The following YAF2 variants were observed in gnomAD, a reference collection of about 807,000 sequenced individuals.
The protein encoded by YAF2 is YY1-associated factor 2.
A neutral mutation model predicts 20.1 loss-of-function variants in YAF2; 7 were observed. The ratio of observed to expected loss-of-function variants is 0.35; its 90% CI spans 0.20 to 0.65. The LOEUF is 0.65. YAF2 is among the 30% of genes least tolerant of loss of function. The probability of loss-of-function intolerance (pLI) is 0.69; values close to 1 mark genes in which losing one functional copy is unlikely to be tolerated. For missense variants in YAF2, 151 were observed against 219.2 expected, an observed-to-expected ratio of 0.69 and a Z score of 1.96; for synonymous variants, 74 against 76.0, an observed-to-expected ratio of 0.97 and a Z score of 0.14.
intron 2 of YAF2, among the ~76,000 whole-genome samples, chr12:42,174,704 C>T (rs543112121): frequency 2.0e-5 from 3 of 152,138 alleles, no homozygotes; most frequent in East Asian, 1.9e-4. Flanking sequence ...ATTCAGTCCT[C>T]GGTTTTAAGT....
chr12:42,229,700 T>C (rs1277943592), intron 2 of YAF2, among the ~76,000 whole-genome samples: 1 of 152,236 alleles, frequency 6.6e-6, no homozygotes, highest in East Asian at 1.9e-4. Flanking sequence ...GCCTACTACA[T>C]ACCTAGGCTA....
chr12:42,187,638 C>CT (rs1486337253), intron 2 of YAF2, among the ~76,000 whole-genome samples: 19 of 152,264 alleles, frequency 1.2e-4, no homozygotes, highest in African/African-American at 4.6e-4. Context: ...CCTCATTTCT[C>CT]TTTTATAAAA....
intron 2 of YAF2, among the ~76,000 whole-genome samples, chr12:42,178,604 C>T (rs780105637): frequency 6.6e-6 from 1 of 152,042 alleles, no homozygotes; most frequent in Non-Finnish European, 1.5e-5. Context: ...ACAGTTTGCT[C>T]CCATTTTCAT....
At chr12:42,199,179 G>A in intron 2 of YAF2, 6 of 1,289,250 alleles carry the variant, frequency 4.7e-6, no homozygotes, top group Non-Finnish European at 6.1e-6. Flanking sequence ...CTAGGCAGAG[G>A]CTTGAGCCAG....
At chr12:42,198,873 C>G (rs2066825108) in intron 2 of YAF2, among the ~76,000 whole-genome samples, 1 of 152,116 alleles carries the variant, frequency 6.6e-6, no homozygotes, top group African/African-American at 2.4e-5. Flanking sequence ...CTGTTCAATA[C>G]AGCAACTACA....
chr12:42,195,758 G>A (rs898268676), intron 2 of YAF2, among the ~76,000 whole-genome samples: 1 of 152,190 alleles, frequency 6.6e-6, no homozygotes, highest in Non-Finnish European at 1.5e-5. Flanking sequence ...GGTGTGTTGA[G>A]ACTGGGTTAA....
At chr12:42,206,157 A>G (rs933108902) in intron 2 of YAF2, among the ~76,000 whole-genome samples, 2 of 152,094 alleles carry the variant, frequency 1.3e-5, no homozygotes, top group African/African-American at 2.4e-5. Context: ...TAGCTGTGTC[A>G]TATCTTCTAT....
At chr12:42,193,002 T>C (rs1200416853) in intron 2 of YAF2, among the ~76,000 whole-genome samples, 1 of 152,166 alleles carries the variant, frequency 6.6e-6, no homozygotes, top group African/African-American at 2.4e-5. Context: ...CCTATTGTGC[T>C]GCCTGTCATA....
At chr12:42,226,527 A>G (rs568963343) in intron 2 of YAF2, among the ~76,000 whole-genome samples, 1 of 152,096 alleles carries the variant, frequency 6.6e-6, no homozygotes, top group Non-Finnish European at 1.5e-5. Context: ...AGCCAGACAT[A>G]GTGGCACACC....
intron 2 of YAF2, chr12:42,232,286 A>G: frequency 1.2e-5 from 5 of 431,992 alleles, no homozygotes; most frequent in Non-Finnish European, 1.5e-5. Flanking sequence ...CTGCCTCTGC[A>G]CCATCACAGT....
chr12:42,225,093 A>G (rs1186476240), intron 2 of YAF2, among the ~76,000 whole-genome samples: 6 of 152,144 alleles, frequency 3.9e-5, no homozygotes. Context: ...ATACTATCTC[A>G]TTGTGGTTTG....
chr12:42,189,681 T>C (rs2066563878), intron 2 of YAF2, among the ~76,000 whole-genome samples: 2 of 152,170 alleles, frequency 1.3e-5, no homozygotes, highest in Non-Finnish European at 2.9e-5. Flanking sequence ...AGTATATGCC[T>C]TTTTTGCAGC....
chr12:42,186,189 C>CAA (rs58514363), intron 2 of YAF2, among the ~76,000 whole-genome samples: 34,346 of 62,362 alleles, frequency 0.55, 9,166 homozygotes, highest in South Asian at 0.65. Context: ...AACTCTGTCT[C>CAA]AAAAAAAAAA....
At chr12:42,231,211 T>C (rs912402358) in intron 2 of YAF2, 6 of 152,172 alleles carry the variant, frequency 3.9e-5, no homozygotes, top group Admixed American at 2.0e-4. Flanking sequence ...AAAAAATAAA[T>C]ACATCACATA....
chr12:42,169,490 T>C (rs1307543660), intron 2 of YAF2, among the ~76,000 whole-genome samples: 1 of 152,096 alleles, frequency 6.6e-6, no homozygotes, highest in Non-Finnish European at 1.5e-5. Context: ...CTCAGCTCAC[T>C]GCAGCCTCTG....
chr12:42,205,872 C>T (rs1240648562), intron 2 of YAF2: 3 of 418,098 alleles, frequency 7.2e-6, no homozygotes, highest in South Asian at 3.5e-5. Flanking sequence ...AATTTTGATA[C>T]AACACTTTTG....
chr12:42,210,801 A>G lies in YAF2; in HGVS notation c.152+26798T>C, dbSNP rs2137229331. Reference sequence around the variant, plus strand: ...CACGTATCAAAGTAAATATGGAAACAATTTGCTAAATATAATGTCAGTGGA... The same window carrying G: ...CACGTATCAAAGTAAATATGGAAACGATTTGCTAAATATAATGTCAGTGGA... On this transcript the variant is annotated intron_variant, in intron 2 of 3. Transcript: ENST00000534854. 6 of 829,644 alleles carry G rather than the reference A, an allele frequency of 7.2e-6. No homozygotes were observed. The South Asian group carries it at 1.1e-4, about 15-fold the overall frequency. 51.4% of individuals were successfully genotyped at this position (829,644 alleles called of 1,614,324 possible). A position where few individuals can be genotyped will look rare whatever the true frequency, so the allele number is the denominator to read the frequency against.
At chr12:42,209,510 G>A (rs1350534518) in intron 2 of YAF2, among the ~76,000 whole-genome samples, 4 of 140,062 alleles carry the variant, frequency 2.9e-5, no homozygotes, top group Admixed American at 1.6e-4. Context: ...GTTGCAGTAG[G>A]CCAAGATCAC....
chr12:42,217,518 G>T (rs1455187469), intron 2 of YAF2, among the ~76,000 whole-genome samples: 1 of 152,046 alleles, frequency 6.6e-6, no homozygotes, highest in Non-Finnish European at 1.5e-5. Context: ...TAATAAAGGG[G>T]CTTTTGCAGT....
Sources: gnomAD v4.1 joint callset for allele counts (sites outside exome capture counted in the v4.1 genomes callset) on GRCh38, gnomAD v4.1.1 for gene constraint, MANE v1.5 for transcripts, NCBI Gene and HGNC (gene_info 2026-07-23, HGNC 2026-07-21) for gene names.